Variants in PRDM2 observed in about 807,000 individuals in gnomAD.
The protein encoded by PRDM2 is PR domain zinc finger protein 2.
In PRDM2, 30 loss-of-function variants were observed where a neutral mutation model predicts 130.0. That is an observed-to-expected ratio of 0.23 (90% CI 0.17 to 0.31). The LOEUF (loss-of-function observed/expected upper bound fraction) is 0.31. PRDM2 is among the 10% of genes least tolerant of loss of function. PRDM2 has a pLI of 1.00. For missense variants in PRDM2, 2,011 were observed against 2,108.4 expected (o/e 0.95, Z 0.90); for synonymous variants, 871 against 782.4 (o/e 1.11, Z -1.89).
At chr1:13,723,216 G>T (rs907194697) in intron 2 of PRDM2, among the ~76,000 whole-genome samples, 6 of 152,104 alleles carry the variant, frequency 3.9e-5, no homozygotes, top group African/African-American at 1.4e-4. Context: ...TTCTCTGAGA[G>T]GCCTCCCCCT....
chr1:13,793,715 G>C lies in PRDM2; in HGVS notation c.5036+10884G>C, dbSNP rs577885945. Among the ~76,000 whole-genome samples, 10 of 152,286 alleles carry C rather than the reference G, an allele frequency of 6.6e-5. No individual in the cohort carries two copies. In the South Asian group the frequency reaches 1.9e-3, roughly 28 times the overall value. ...GCAATTGAGTCCCGGCTCATGGAGA[G>C]CATAGAGCAGGGATGTCCAATCTTT... On this transcript the variant is annotated intron_variant, in intron 8 of 9. Coordinates refer to ENST00000311066, the MANE Select transcript of PRDM2 (RefSeq NM_001393986.1).
intron 1 of PRDM2, among the ~76,000 whole-genome samples, chr1:13,712,519 T>G (rs1022797156): frequency 2.6e-5 from 4 of 152,300 alleles, no homozygotes; most frequent in Non-Finnish European, 4.4e-5. Flanking sequence ...CTTTCATGCC[T>G]AAGATCTAAA....
At chr1:13,773,550 A>G (rs1173063558) in intron 7 of PRDM2, 3 of 154,994 alleles carry the variant, frequency 1.9e-5, no homozygotes, top group African/African-American at 7.2e-5. Context: ...TGTTTCTACA[A>G]AAGAAAATAA....
chr1:13,776,264 T>TA (rs2100648312), intron 7 of PRDM2, among the ~76,000 whole-genome samples: 1 of 152,196 alleles, frequency 6.6e-6, no homozygotes, highest in East Asian at 1.9e-4. Flanking sequence ...GCTAAGTCAG[T>TA]ATTTGCAAGT....
At chr1:13,759,554 A>C (rs1644046090) in intron 6 of PRDM2, among the ~76,000 whole-genome samples, 1 of 152,182 alleles carries the variant, frequency 6.6e-6, no homozygotes, top group South Asian at 2.1e-4. Flanking sequence ...ATTACTGGCC[A>C]TAAGCAGAAT....
intron 6 of PRDM2, among the ~76,000 whole-genome samples, chr1:13,765,963 CTGAG>C (rs1221731327): frequency 6.6e-6 from 1 of 152,142 alleles, no homozygotes; most frequent in African/African-American, 2.4e-5. Flanking sequence ...CAGATGTATC[CTGAG>C]TGATACTAGT....
intron 4 of PRDM2, among the ~76,000 whole-genome samples, chr1:13,736,758 A>C (rs915967812): frequency 6.6e-6 from 1 of 152,096 alleles, no homozygotes; most frequent in African/African-American, 2.4e-5. Flanking sequence ...TTTAAAATCC[A>C]GTATTGTTAA....
At position 13,823,408 on chromosome 1, in the gene PRDM2, G is replaced by T. The variant is rs1306332332; in HGVS notation, c.*273G>T. On this transcript the variant is annotated 3_prime_UTR_variant, in exon 10 of 10. Coordinates refer to ENST00000311066, the MANE Select transcript of PRDM2 (RefSeq NM_001393986.1). ...CTGTCCTTTGGGATGATACTTGGAT[G>T]CAGCTCTTGGGACCGTGTTCTGCAG... is the stretch of plus-strand genomic sequence containing the variant. 3 of 582,188 alleles carry T rather than the reference G, an allele frequency of 5.2e-6. No homozygotes were observed. In the African/African-American group the frequency reaches 5.6e-5, roughly 11 times the overall value. The allele number at this position is 582,188 out of a possible 1,614,324, so 36.1% of individuals were successfully genotyped here.
intron 8 of PRDM2, among the ~76,000 whole-genome samples, chr1:13,794,373 C>T (rs1466588777): frequency 6.6e-6 from 1 of 152,190 alleles, no homozygotes. Flanking sequence ...TCTATGTCTC[C>T]CCCTTCTTAG....
intron 5 of PRDM2, among the ~76,000 whole-genome samples, chr1:13,747,902 G>A (rs1259127289): frequency 6.6e-6 from 1 of 152,162 alleles, no homozygotes; most frequent in East Asian, 1.9e-4. Context: ...CCTTACTCAG[G>A]TTCTGTCAAT....
intron 8 of PRDM2, 113 bp from the exon 9 acceptor site, chr1:13,816,314 A>G (rs1645256262): frequency 5.1e-6 from 7 of 1,378,000 alleles, no homozygotes; most frequent in Non-Finnish European, 6.0e-6. Flanking sequence ...AGGAAGTGCA[A>G]TCCTATCCTG....
In PRDM2 at chr1:13,787,511, T is replaced by C. The variant is rs577547418; in HGVS notation, c.5036+4680T>C. 11 of 984,230 alleles carry C rather than the reference T, an allele frequency of 1.1e-5. No homozygotes were observed. The East Asian group carries it at 1.1e-3, about 102-fold the overall frequency. 61.0% of individuals were successfully genotyped at this position (984,230 alleles called of 1,614,324 possible). A position where few individuals can be genotyped will look rare whatever the true frequency, so the allele number is the denominator to read the frequency against. On this transcript the variant is annotated intron_variant, in intron 8 of 9. Transcript: ENST00000311066. ...AAAAGTAATCTACCTCTGAAAAATT[T>C]GTAGTTTAATATTTGTTTGGTGAAT...
chr1:13,775,856 C>G (rs1299119622), intron 7 of PRDM2, among the ~76,000 whole-genome samples: 1 of 152,174 alleles, frequency 6.6e-6, no homozygotes, highest in African/African-American at 2.4e-5. Flanking sequence ...CCAGTGATGA[C>G]CTTCCCCCAT....
At chr1:13,741,130 G>A (rs1190238381) in intron 4 of PRDM2, among the ~76,000 whole-genome samples, 2 of 152,212 alleles carry the variant, frequency 1.3e-5, no homozygotes, top group Non-Finnish European at 2.9e-5. Flanking sequence ...TTGGGAAAAT[G>A]TGTATATGTA....
rs1044988395 is a variant in PRDM2 at position 13,718,517 on chromosome 1, G to A, written c.9+2903G>A. Among the ~76,000 whole-genome samples the A allele has an allele frequency of 4.6e-5, 7 of 152,202 alleles. No individual in the cohort carries two copies. In the South Asian group the frequency reaches 1.2e-3, roughly 27 times the overall value. ...CAGTTGTATCAGTGTGTTCCAAGTC[G>A]GTCCTAGTGTGATAGCTCCCTCTGA... is the stretch of plus-strand genomic sequence containing the variant. On this transcript the variant is annotated intron_variant, in intron 2 of 9. Coordinates refer to ENST00000311066, the MANE Select transcript of PRDM2 (RefSeq NM_001393986.1).
intron 8 of PRDM2, among the ~76,000 whole-genome samples, chr1:13,796,904 G>T (rs1291482412): frequency 1.3e-5 from 2 of 152,096 alleles, no homozygotes; most frequent in African/African-American, 4.8e-5. Flanking sequence ...CCCAAAACAC[G>T]AGTTAAAGAA....
At chr1:13,719,234 A>G (rs1199658663) in intron 2 of PRDM2, among the ~76,000 whole-genome samples, 3 of 152,354 alleles carry the variant, frequency 2.0e-5, no homozygotes, top group South Asian at 4.1e-4. Context: ...GGTAATAACC[A>G]GGAACCAGAT....
intron 4 of PRDM2, among the ~76,000 whole-genome samples, chr1:13,741,742 G>GTGTGTC (rs1307004428): frequency 6.6e-6 from 1 of 150,748 alleles, no homozygotes; most frequent in Non-Finnish European, 1.5e-5. Context: ...GTGTGTGTGT[G>GTGTGTC]TGTGTGTGTG....
chr1:13,735,058 C>T (rs182536427), intron 4 of PRDM2, among the ~76,000 whole-genome samples: 28 of 152,268 alleles, frequency 1.8e-4, no homozygotes, highest in Middle Eastern at 3.4e-3. Context: ...GGCATTTGTT[C>T]TTCCATCAAA....
Sources: allele counts gnomAD v4.1 joint callset (sites outside exome capture counted in the v4.1 genomes callset), GRCh38; gene constraint gnomAD v4.1.1; transcripts MANE v1.5; gene names NCBI Gene and HGNC (gene_info 2026-07-23, HGNC 2026-07-21).